The following USP6 variants were observed in gnomAD, a reference collection of about 807,000 sequenced individuals.
The protein encoded by USP6 is ubiquitin carboxyl-terminal hydrolase 6.
A neutral mutation model predicts 175.7 loss-of-function variants in USP6; 128 were observed. That is an observed-to-expected ratio of 0.73 (90% CI 0.63 to 0.84). The LOEUF (loss-of-function observed/expected upper bound fraction) is 0.84, where lower values mean the gene tolerates loss of function less well. USP6 is among the 40% of genes least tolerant of loss of function. USP6 has a pLI of 0.00. For missense variants in USP6, 1,498 were observed against 1,760.3 expected, an observed-to-expected ratio of 0.85 and a Z score of 2.67; for synonymous variants, 562 against 630.6, an observed-to-expected ratio of 0.89 and a Z score of 1.63.
chr17:5,167,488 C>T (rs994486937), intron 33 of USP6, among the ~76,000 whole-genome samples: 11 of 152,172 alleles, frequency 7.2e-5, no homozygotes, highest in Middle Eastern at 3.4e-3. Flanking sequence ...GTTGTATTTG[C>T]TCGGACTCTA....
intron 4 of USP6, 112 bp downstream of exon 4, chr17:5,121,862 T>A (rs111454676): frequency 0.011 from 1,639 of 152,848 alleles, 15 homozygotes; most frequent in Non-Finnish European, 0.017. Context: ...TGGGAACCTG[T>A]GGGGGTTTGC....
intron 37 of USP6, among the ~76,000 whole-genome samples, chr17:5,172,512 A>G (rs2074248533): frequency 6.6e-6 from 1 of 152,254 alleles, no homozygotes. Flanking sequence ...GCCTGGTGAC[A>G]GAGCGAGACT....
chr17:5,151,012 T>C (rs1157443097), intron 30 of USP6, among the ~76,000 whole-genome samples: 1 of 152,166 alleles, frequency 6.6e-6, no homozygotes, highest in Non-Finnish European at 1.5e-5. Flanking sequence ...AGGATACTTA[T>C]CACTGAATTT....
At position 5,174,863 on chromosome 17, in the gene USP6, AGT is replaced by A. The variant is rs1199504595; in HGVS notation, c.*1888_*1889del. On this transcript the variant is annotated 3_prime_UTR_variant, in exon 38 of 38. Coordinates refer to ENST00000574788, the MANE Select transcript of USP6 (RefSeq NM_001304284.2). ...GAAAGATGTTAATGTACATAAATAG[AGT>A]GTAAATAAAATAGTGTTGATGTACT... The A allele has an allele frequency of 1.0e-5, 2 of 191,280 alleles. No individual in the cohort carries two copies. The highest frequency in any genetic ancestry group is 2.2e-5 in the Non-Finnish European group (2 of 91,120). The allele number at this position is 191,280 out of a possible 1,614,324, so 11.8% of individuals were successfully genotyped here.
At chr17:5,117,294 G>A (rs1188305924) in intron 1 of USP6, among the ~76,000 whole-genome samples, 1 of 152,106 alleles carries the variant, frequency 6.6e-6, no homozygotes, top group Non-Finnish European at 1.5e-5. Flanking sequence ...GAGGCGGGTG[G>A]ATCATGAGGT....
At position 5,116,756 on chromosome 17, in the gene USP6, A is replaced by C. The variant is rs2072547946; in HGVS notation, c.-1928+16A>C. 6.6e-6 allele frequency: 1 copy of C among 152,250 alleles called. No individual in the cohort carries two copies. Among genetic ancestry groups the C allele is most frequent in the Non-Finnish European group, 1.5e-5 (1 of 68,056 alleles). The allele number at this position is 152,250 out of a possible 1,614,324, so 9.4% of individuals were successfully genotyped here. On this transcript the variant is annotated intron_variant, in intron 1 of 37. Coordinates refer to ENST00000574788, the MANE Select transcript of USP6 (RefSeq NM_001304284.2). ...CTTACTAGTTGTGAGTCTTTGGGCA[A>C]ATTTGCCTTTCTAGAGCGTAGTTTC... is the stretch of plus-strand genomic sequence containing the variant.
chr17:5,153,891 T>C (rs1286803887), intron 30 of USP6, among the ~76,000 whole-genome samples: 2 of 152,174 alleles, frequency 1.3e-5, no homozygotes, highest in Non-Finnish European at 2.9e-5. Flanking sequence ...CCTGACCTCA[T>C]GATCTGCCTG....
chr17:5,125,549 T>C (rs928717826), intron 5 of USP6, among the ~76,000 whole-genome samples: 2 of 152,002 alleles, frequency 1.3e-5, no homozygotes, highest in South Asian at 2.1e-4. Flanking sequence ...ATGAAAACAC[T>C]CTCTTGCTGT....
rs772325537 is a variant in USP6 at position 5,158,580 on chromosome 17, GGAGA to G, written c.2829-2926_2829-2923del. On this transcript the variant is annotated intron_variant, in intron 31 of 37. Transcript: ENST00000574788. ...AGACTCTGTCTCAAAAGAGAGAGAG[GGAGA>G]GAGAGAGAGAGAGAGAGAGAGGGAG... Among the ~76,000 whole-genome samples the G allele has an allele frequency of 3.3e-3, 349 of 104,190 alleles. 1 individual carries two copies. Among genetic ancestry groups the G allele is most frequent in the Middle Eastern group, 6.8e-3 (1 of 146 alleles). 68.4% of individuals were successfully genotyped at this position (104,190 alleles called of 152,430 possible). A position where few individuals can be genotyped will look rare whatever the true frequency, so the allele number is the denominator to read the frequency against.
chr17:5,168,280 T>C (rs2074137248), intron 34 of USP6, among the ~76,000 whole-genome samples, 157 bp downstream of exon 34: 1 of 152,244 alleles, frequency 6.6e-6, no homozygotes, highest in Non-Finnish European at 1.5e-5. Flanking sequence ...AATACAGAGA[T>C]GAATCTTTCT....
rs2072634409 is a variant in USP6, at chr17:5,120,711, C to G, written c.-1752C>G. 2.3e-6 allele frequency: 1 copy of G among 425,938 alleles called. No homozygotes were observed. The highest frequency in any genetic ancestry group is 4.7e-6 in the Non-Finnish European group (1 of 213,238). The allele number at this position is 425,938 out of a possible 1,614,324, so 26.4% of individuals were successfully genotyped here. A position where few individuals can be genotyped will look rare whatever the true frequency, so the allele number is the denominator to read the frequency against. ...GCCTGGAGTGAACCTGAGCTGGATC[C>G]TGAATGAGATGCATGACCAGGACAA... On this transcript the variant is annotated 5_prime_UTR_variant, in exon 3 of 38. Transcript: ENST00000574788.
chr17:5,136,734 G>T lies in USP6; in HGVS notation c.759G>T (p.Gln253His), dbSNP rs2073267036. Reference sequence around the variant, plus strand: ...CACAACCCAAGACCATGTGGCATCAGGTGAGTTTATGGTCCCCTCGGCTCT... The same window carrying T: ...CACAACCCAAGACCATGTGGCATCATGTGAGTTTATGGTCCCCTCGGCTCT... ...PKSQPKTMWH[Q>H]DKEGLCGQCA... Residue 253 changes from glutamine to histidine, a missense_variant and splice_region_variant, in exon 18 of 38, where the codon CAG becomes CAT. By Grantham distance (24) the Gln-to-His change is conservative. This residue lies in a region of USP6 where 1,217 missense variants were observed against 1,500.8 expected (regional missense o/e 0.81). Transcript: ENST00000574788. The T allele has an allele frequency of 6.2e-7, 1 of 1,612,194 alleles. No homozygotes were observed. Among genetic ancestry groups the T allele is most frequent in the South Asian group, 1.1e-5 (1 of 91,012 alleles).
chr17:5,135,103 G>A lies in USP6; in HGVS notation c.495-131G>A, dbSNP rs369464784. On this transcript the variant is annotated intron_variant, in intron 15 of 37. Transcript: ENST00000574788. Reference sequence around the variant, plus strand: ...TGAAACATTTCTTCAACAGTCTCAGGCCCTGAAGAGCTCACTGCTTATCTG... The same window carrying A: ...TGAAACATTTCTTCAACAGTCTCAGACCCTGAAGAGCTCACTGCTTATCTG... 2.1e-4 allele frequency: 209 copies of A among 1,003,584 alleles called. 2 individuals carry two copies. The South Asian group carries it at 2.6e-3, about 12-fold the overall frequency. The allele number at this position is 1,003,584 out of a possible 1,614,324, so 62.2% of individuals were successfully genotyped here.
At position 5,139,242 on chromosome 17, in the gene USP6, G is replaced by A. The variant is rs748594880; in HGVS notation, c.1079-13G>A. On this transcript the variant is annotated splice_polypyrimidine_tract_variant and intron_variant, in intron 21 of 37. Transcript: ENST00000574788. Reference sequence around the variant, plus strand: ...CTCACTGGAGATGCTGACCACGTCTGTTTTCCTTTCAGCCAAACGCGAGCA... The same window carrying A: ...CTCACTGGAGATGCTGACCACGTCTATTTTCCTTTCAGCCAAACGCGAGCA... 3.4e-5 allele frequency: 55 copies of A among 1,599,698 alleles called. No individual in the cohort carries two copies. The Admixed American group carries it at 4.0e-4, about 12-fold the overall frequency.
intron 35 of USP6, among the ~76,000 whole-genome samples, chr17:5,170,028 C>A: frequency 6.6e-6 from 1 of 152,212 alleles, no homozygotes. Flanking sequence ...TAAAGCCTTG[C>A]AGGATTTTTG....
At chr17:5,145,684 AG>A in intron 27 of USP6, 105 bp downstream of exon 27, 1 of 1,400,512 alleles carries the variant, frequency 7.1e-7, no homozygotes, top group Non-Finnish European at 9.4e-7. Context: ...AAAGACTGGT[AG>A]TCAGCATATT....
intron 26 of USP6, among the ~76,000 whole-genome samples, chr17:5,145,085 T>C (rs2143990499): frequency 6.6e-6 from 1 of 152,318 alleles, no homozygotes; most frequent in African/African-American, 2.4e-5. Flanking sequence ...TTGTAAACTT[T>C]ATGGGACTGG....
intron 6 of USP6, chr17:5,126,943 C>G (rs1223714514): frequency 2.0e-5 from 3 of 152,298 alleles, no homozygotes; most frequent in African/African-American, 7.2e-5. Flanking sequence ...AAGTGACATG[C>G]CCACGTGGCT....
chr17:5,162,343 G>C (rs1414449602), intron 32 of USP6, among the ~76,000 whole-genome samples: 1 of 152,022 alleles, frequency 6.6e-6, no homozygotes, highest in African/African-American at 2.4e-5. Context: ...GTAGGAATGG[G>C]GTTTTGCCAT....
Sources: allele counts gnomAD v4.1 joint callset (sites outside exome capture counted in the v4.1 genomes callset), GRCh38; gene constraint gnomAD v4.1.1; regional missense constraint gnomAD v4.1.1; transcripts MANE v1.5; gene names NCBI Gene and HGNC (gene_info 2026-07-23, HGNC 2026-07-21).